GANC: variants seen among roughly 807,000 people sequenced by gnomAD.
GANC encodes neutral alpha-glucosidase C.
GANC carries 117 observed loss-of-function variants against 124.2 expected under a neutral mutation model. That is an observed-to-expected ratio of 0.94 (90% CI 0.81 to 1.10). The LOEUF is 1.10. Ranked by LOEUF, GANC falls within the 50% of genes least tolerant of loss-of-function variation. GANC has a pLI of 0.00. For synonymous variants in GANC, 377 were observed against 376.8 expected, an observed-to-expected ratio of 1.00 and a Z score of -0.01; for missense variants, 1,140 against 1,095.0, an observed-to-expected ratio of 1.04 and a Z score of -0.58.
At chr15:42,324,090 CA>C (rs541820987) in intron 11 of GANC, among the ~76,000 whole-genome samples, 1 of 149,544 alleles carries the variant, frequency 6.7e-6, no homozygotes, top group Admixed American at 6.6e-5. Flanking sequence ...TCAGCAACAA[CA>C]AAAAAAAACA....
chr15:42,278,732 G>A (rs747553498), intron 3 of GANC, 142 bp downstream of exon 3: 5 of 586,438 alleles, frequency 8.5e-6, no homozygotes, highest in Non-Finnish European at 1.2e-5. Context: ...AGTGGCTCAC[G>A]CCTGTAATCC....
intron 6 of GANC, among the ~76,000 whole-genome samples, chr15:42,299,456 G>A (rs943850726): frequency 2.6e-5 from 4 of 152,178 alleles, no homozygotes; most frequent in Admixed American, 6.6e-5. Flanking sequence ...TGCTGAATTC[G>A]GTTTGCCAGT....
At chr15:42,317,358 G>A (rs1399630238) in intron 10 of GANC, among the ~76,000 whole-genome samples, 1 of 152,180 alleles carries the variant, frequency 6.6e-6, no homozygotes, top group African/African-American at 2.4e-5. Flanking sequence ...GCTATGATAT[G>A]CAAATTTGTC....
chr15:42,307,593 T>C (rs1410412410), intron 7 of GANC, among the ~76,000 whole-genome samples: 1 of 152,236 alleles, frequency 6.6e-6, no homozygotes. Flanking sequence ...AACCTAAGCA[T>C]AAATTAAAGT....
At chr15:42,311,711 C>T (rs2141046333) in intron 10 of GANC, among the ~76,000 whole-genome samples, 1 of 152,266 alleles carries the variant, frequency 6.6e-6, no homozygotes, top group South Asian at 2.1e-4. Context: ...TGAGAAATCA[C>T]TATCACAAGA....
chr15:42,332,518 A>G (rs1357135940), intron 15 of GANC, among the ~76,000 whole-genome samples: 1 of 152,212 alleles, frequency 6.6e-6, no homozygotes, highest in Non-Finnish European at 1.5e-5. Flanking sequence ...TTGTTAAGTC[A>G]TATGCGATGA....
At chr15:42,286,511 AAGT>A (rs1032013979) in intron 3 of GANC, among the ~76,000 whole-genome samples, 7 of 152,218 alleles carry the variant, frequency 4.6e-5, no homozygotes, top group Non-Finnish European at 8.8e-5. Context: ...TGTACGCTAA[AAGT>A]AGTTTAAATA....
intron 6 of GANC, 29 bp downstream of exon 6, chr15:42,297,685 T>C (rs2051904537): frequency 6.6e-7 from 1 of 1,512,646 alleles, no homozygotes; most frequent in Non-Finnish European, 9.1e-7. Context: ...TTTATTGTTA[T>C]CTTTTTCACC....
intron 15 of GANC, among the ~76,000 whole-genome samples, chr15:42,332,620 T>C (rs188638931): frequency 1.6e-3 from 245 of 152,352 alleles, no homozygotes; most frequent in Non-Finnish European, 3.1e-3. Flanking sequence ...GATGAGAATG[T>C]CTCCATACGG....
At chr15:42,338,158 A>AT (rs142281952) in intron 15 of GANC, among the ~76,000 whole-genome samples, 14,746 of 152,266 alleles carry the variant, frequency 0.097, 834 homozygotes, top group South Asian at 0.19. Flanking sequence ...TACTTAAAAA[A>AT]AAGTGCAATT....
In GANC at chr15:42,345,213, T is replaced by TA. The variant is rs768174264; in HGVS notation, c.2230-531dup. The stretch of plus-strand genomic sequence containing the variant: ...CCTTATCTTTGAATTGTGCTTTGTT[T>TA]AAAAAAAAAAAAAAGATACTATAAT... On this transcript the variant is annotated intron_variant, in intron 19 of 23. Coordinates refer to ENST00000318010, the MANE Select transcript of GANC (RefSeq NM_198141.3). 8.9e-3 allele frequency among the ~76,000 whole-genome samples: 1,288 copies of TA among 144,444 alleles called. 14 individuals carry two copies. Among genetic ancestry groups the TA allele is most frequent in the African/African-American group, 0.03 (1,169 of 39,602 alleles). The allele number at this position is 144,444 out of a possible 152,430, so 94.8% of individuals were successfully genotyped here.
intron 4 of GANC, among the ~76,000 whole-genome samples, chr15:42,292,024 T>C (rs1463060573): frequency 6.6e-6 from 1 of 152,192 alleles, no homozygotes; most frequent in Non-Finnish European, 1.5e-5. Flanking sequence ...TGTGAACATT[T>C]ACTGGGGACA....
chr15:42,344,779 C>T (rs1248552786), intron 19 of GANC: 2 of 152,180 alleles, frequency 1.3e-5, no homozygotes, highest in Non-Finnish European at 2.9e-5. Flanking sequence ...AATGCCCTGC[C>T]AGATATTTTT....
At chr15:42,333,114 G>A (rs1167534681) in intron 15 of GANC, among the ~76,000 whole-genome samples, 3 of 151,122 alleles carry the variant, frequency 2.0e-5, no homozygotes, top group African/African-American at 7.3e-5. Context: ...GATCACTTGA[G>A]GTTAGGAGTT....
At chr15:42,326,214 C>A in intron 11 of GANC, 84 bp from the exon 12 acceptor site, 1 of 914,316 alleles carries the variant, frequency 1.1e-6, no homozygotes, top group Non-Finnish European at 1.7e-6. Flanking sequence ...AAAAATTGAA[C>A]CCCCAAACTA....
chr15:42,282,349 A>G (rs887293015), intron 3 of GANC, among the ~76,000 whole-genome samples: 3 of 152,164 alleles, frequency 2.0e-5, no homozygotes, highest in Non-Finnish European at 4.4e-5. Context: ...ATAACAAAGA[A>G]CTTCTATTAA....
chr15:42,337,788 A>G (rs2052294186), intron 15 of GANC, among the ~76,000 whole-genome samples: 1 of 152,198 alleles, frequency 6.6e-6, no homozygotes, highest in South Asian at 2.1e-4. Context: ...GAGGCTGGGC[A>G]TGGTGGCTCA....
At chr15:42,280,910 T>C (rs1660007478) in intron 3 of GANC, 1 of 700,702 alleles carries the variant, frequency 1.4e-6, no homozygotes, top group Non-Finnish European at 2.6e-6. Context: ...GGAACAATGC[T>C]CTTCAGGTCA....
At chr15:42,281,202 A>T in intron 3 of GANC, 1 of 666,068 alleles carries the variant, frequency 1.5e-6, no homozygotes. Context: ...ATGCAAATAC[A>T]TATTTCGGGA....
Sources: allele counts gnomAD v4.1 joint callset (sites outside exome capture counted in the v4.1 genomes callset), GRCh38; gene constraint gnomAD v4.1.1; transcripts MANE v1.5; gene names NCBI Gene and HGNC (gene_info 2026-07-23, HGNC 2026-07-21).